UGT2A2: variants seen among roughly 807,000 people sequenced by gnomAD.
The protein encoded by UGT2A2 is UDP-glucuronosyltransferase 2A2.
UGT2A2 carries 60 observed loss-of-function variants against 50.7 expected under a neutral mutation model. That is an observed-to-expected ratio of 1.18 (90% confidence interval 0.96 to 1.47). UGT2A2 has a LOEUF of 1.47. UGT2A2 is among the 40% of genes most tolerant of loss of function. The pLI, the probability that UGT2A2 is intolerant of heterozygous loss-of-function variation, is 0.00. For missense variants in UGT2A2, 762 were observed against 634.0 expected (o/e 1.20, Z -2.17); for synonymous variants, 242 against 214.6 (o/e 1.13, Z -1.11).
At chr4:69,610,613 C>G (rs1029762523) in intron 1 of UGT2A2, among the ~76,000 whole-genome samples, 1 of 152,060 alleles carries the variant, frequency 6.6e-6, no homozygotes. Flanking sequence ...GAAGATAAGG[C>G]CTTTAGAGAT....
chr4:69,626,719 C>A (rs1721080266), intron 1 of UGT2A2, among the ~76,000 whole-genome samples: 1 of 151,720 alleles, frequency 6.6e-6, no homozygotes, highest in African/African-American at 2.4e-5. Context: ...ATTTTATATT[C>A]ATTAATTGGA....
chr4:69,590,045 G>A (rs1718499877), intron 5 of UGT2A2, among the ~76,000 whole-genome samples: 1 of 152,192 alleles, frequency 6.6e-6, no homozygotes, highest in Non-Finnish European at 1.5e-5. Context: ...ATCCTCTAGT[G>A]TCTGGCTAGT....
chr4:69,607,883 C>G (rs921079544), intron 1 of UGT2A2, among the ~76,000 whole-genome samples: 17 of 152,148 alleles, frequency 1.1e-4, no homozygotes, highest in African/African-American at 3.6e-4. Context: ...CCATCTCACA[C>G]CAGTTAGAAT....
intron 2 of UGT2A2, among the ~76,000 whole-genome samples, chr4:69,598,647 C>T (rs1456853663): frequency 6.6e-6 from 1 of 152,112 alleles, no homozygotes; most frequent in Non-Finnish European, 1.5e-5. Flanking sequence ...ATTACCAAAA[C>T]TCCTTTTTGT....
At chr4:69,624,485 G>A (rs1273653271) in intron 1 of UGT2A2, among the ~76,000 whole-genome samples, 1 of 151,098 alleles carries the variant, frequency 6.6e-6, no homozygotes, top group Admixed American at 6.6e-5. Context: ...TGTTTGAGTT[G>A]GGATTTATCA....
rs768786338 is a variant in UGT2A2 at position 69,639,525 on chromosome 4, C to T, written c.116G>A (p.Gly39Asp). The change falls in exon 1 of 6, where the codon GGT (glycine) becomes GAT (aspartate). Residue 39 changes from glycine to aspartate, a missense_variant. Gly to Asp is a moderately conservative substitution (Grantham distance 94). Transcript: ENST00000604629. ...AATCTTAATATTTAACCAATGGCTA[C>T]CATCTGTAGGCCAAATTAACACATT... ...SGNVLIWPTD[G>D]SHWLNIKIIL... 6.2e-7 allele frequency: 1 copy of T among 1,613,262 alleles called. No individual in the cohort carries two copies. Among genetic ancestry groups the T allele is most frequent in the Non-Finnish European group, 8.5e-7 (1 of 1,179,554 alleles).
At chr4:69,610,493 T>C (rs928943023) in intron 1 of UGT2A2, among the ~76,000 whole-genome samples, 2 of 152,188 alleles carry the variant, frequency 1.3e-5, no homozygotes, top group African/African-American at 4.8e-5. Flanking sequence ...ATTAATATTA[T>C]GCACCCTTTA....
At chr4:69,595,333 G>A (rs2109881857) in intron 3 of UGT2A2, 84 bp from the exon 4 acceptor site, 1 of 1,503,674 alleles carries the variant, frequency 6.7e-7, no homozygotes, top group Non-Finnish European at 9.1e-7. Flanking sequence ...AAATCATTTA[G>A]CCAGCTACTT....
At chr4:69,607,367 T>C (rs369195494) in intron 1 of UGT2A2, among the ~76,000 whole-genome samples, 36,509 of 148,892 alleles carry the variant, frequency 0.25, 4,879 homozygotes, top group African/African-American at 0.35. Context: ...GCTAGCCATA[T>C]GTAGAAAGCT....
At chr4:69,600,631 T>TA (rs1375118385) in intron 1 of UGT2A2, among the ~76,000 whole-genome samples, 1 of 152,090 alleles carries the variant, frequency 6.6e-6, no homozygotes, top group African/African-American at 2.4e-5. Context: ...TTTATTTTTT[T>TA]AAAAAGAGGT....
At chr4:69,632,348 A>T (rs965676859) in intron 1 of UGT2A2, among the ~76,000 whole-genome samples, 2 of 152,102 alleles carry the variant, frequency 1.3e-5, no homozygotes, top group Admixed American at 1.3e-4. Context: ...TTTTTTCCAC[A>T]AGTAGGGAAA....
At chr4:69,622,116 T>G (rs1232860267) in intron 1 of UGT2A2, among the ~76,000 whole-genome samples, 1 of 151,908 alleles carries the variant, frequency 6.6e-6, no homozygotes, top group African/African-American at 2.4e-5. Flanking sequence ...TGTACCACAT[T>G]ACCTGTGTAA....
intron 1 of UGT2A2, among the ~76,000 whole-genome samples, chr4:69,636,271 A>G (rs187302090): frequency 2.0e-5 from 3 of 152,324 alleles, no homozygotes; most frequent in African/African-American, 7.2e-5. Flanking sequence ...GCGGTCAAAC[A>G]TAATTACGTA....
intron 5 of UGT2A2, among the ~76,000 whole-genome samples, chr4:69,593,511 GAC>G (rs1240536361): frequency 1.3e-5 from 2 of 150,798 alleles, no homozygotes; most frequent in Admixed American, 1.3e-4. Flanking sequence ...AAAAAAATAA[GAC>G]ACAATATATA....
chr4:69,597,321 G>A (rs1019401987), intron 2 of UGT2A2, among the ~76,000 whole-genome samples: 1 of 152,144 alleles, frequency 6.6e-6, no homozygotes, highest in Non-Finnish European at 1.5e-5. Context: ...GCTGCCATGA[G>A]TGTGATGTTA....
chr4:69,595,490 G>A (rs560931132), intron 3 of UGT2A2, among the ~76,000 whole-genome samples: 52 of 152,222 alleles, frequency 3.4e-4, no homozygotes, highest in African/African-American at 1.3e-3. Context: ...AAAGCTTTTG[G>A]AAGTTAGATT....
In UGT2A2 at chr4:69,622,473, A is replaced by G. The variant is rs560773803; in HGVS notation, c.742+16426T>C. 7.9e-5 allele frequency among the ~76,000 whole-genome samples: 12 copies of G among 151,950 alleles called. No individual in the cohort carries two copies. The South Asian group carries it at 2.5e-3, about 32-fold the overall frequency. On this transcript the variant is annotated intron_variant, in intron 1 of 5. Transcript: ENST00000604629. ...GAACTGTATTTTTATGTGTAAGAAA[A>G]CCAATTACAAACTCACTAAATAAAT...
intron 1 of UGT2A2, among the ~76,000 whole-genome samples, chr4:69,601,674 C>T (rs1719303601): frequency 6.6e-6 from 1 of 152,020 alleles, no homozygotes; most frequent in Non-Finnish European, 1.5e-5. Flanking sequence ...ATTGCTAAGG[C>T]CAATAACCAA....
chr4:69,634,235 A>G (rs1721554625), intron 1 of UGT2A2, among the ~76,000 whole-genome samples: 1 of 150,502 alleles, frequency 6.6e-6, no homozygotes, highest in Admixed American at 6.6e-5. Context: ...ACAGAGCGAG[A>G]CTCCATCTCA....
Sources: gnomAD v4.1 joint callset for allele counts (sites outside exome capture counted in the v4.1 genomes callset) on GRCh38, gnomAD v4.1.1 for gene constraint, MANE v1.5 for transcripts, NCBI Gene and HGNC (gene_info 2026-07-23, HGNC 2026-07-21) for gene names.